Variants in CC2D2B observed in about 807,000 individuals in gnomAD.
CC2D2B encodes the protein coiled-coil and C2 domain containing 2B, also known as protein CC2D2B.
CC2D2B carries 128 observed loss-of-function variants against 161.2 expected under a neutral mutation model. That is an observed-to-expected ratio of 0.79 (90% CI 0.69 to 0.92). CC2D2B has a LOEUF of 0.92. Ranked by LOEUF, CC2D2B falls within the 40% of genes least tolerant of loss-of-function variation. The probability of loss-of-function intolerance (pLI) is 0.00; values close to 1 mark genes in which losing one functional copy is unlikely to be tolerated. For synonymous variants in CC2D2B, 391 were observed against 449.8 expected, an observed-to-expected ratio of 0.87 and a Z score of 1.65; for missense variants, 1,173 against 1,375.1, an observed-to-expected ratio of 0.85 and a Z score of 2.32.
At chr10:95,975,923 A>C (rs1293379658) in intron 17 of CC2D2B, among the ~76,000 whole-genome samples, 1 of 152,214 alleles carries the variant, frequency 6.6e-6, no homozygotes, top group Admixed American at 6.5e-5. Context: ...CATAGTCTCC[A>C]CAGCAGCTAT....
At chr10:96,020,066 A>G (rs2079385517) in intron 32 of CC2D2B, 1 of 382,812 alleles carries the variant, frequency 2.6e-6, no homozygotes, top group African/African-American at 2.1e-5. Flanking sequence ...AATAGAATTT[A>G]AAATTTTTTC....
At chr10:96,018,617 G>A (rs34084924) in intron 30 of CC2D2B, 18,532 of 152,214 alleles carry the variant, frequency 0.12, 1,193 homozygotes, top group Middle Eastern at 0.17. Context: ...GTTGCCATCG[G>A]GGCACACTCT....
At chr10:96,029,717 T>C (rs1024814307) in intron 34 of CC2D2B, among the ~76,000 whole-genome samples, 3 of 152,106 alleles carry the variant, frequency 2.0e-5, no homozygotes, top group Non-Finnish European at 1.5e-5. Flanking sequence ...TTGCATATAA[T>C]CTATGTACAA....
intron 6 of CC2D2B, among the ~76,000 whole-genome samples, chr10:95,930,675 G>A (rs1459198439): frequency 2.6e-5 from 4 of 152,142 alleles, no homozygotes; most frequent in African/African-American, 7.2e-5. Context: ...TTCTGTTTAC[G>A]TGATGGATTA....
At chr10:95,968,173 G>A (rs2077008562) in intron 14 of CC2D2B, among the ~76,000 whole-genome samples, 1 of 152,100 alleles carries the variant, frequency 6.6e-6, no homozygotes, top group Non-Finnish European at 1.5e-5. Context: ...CCACTGTCCT[G>A]GAGAAAAGGG....
chr10:95,932,986 G>A (rs543360054), intron 6 of CC2D2B, among the ~76,000 whole-genome samples: 6 of 152,320 alleles, frequency 3.9e-5, no homozygotes, highest in African/African-American at 1.4e-4. Flanking sequence ...TTCCAACTCA[G>A]TTCCATTCTC....
At chr10:95,964,167 G>A (rs1035833474) in intron 12 of CC2D2B, among the ~76,000 whole-genome samples, 4 of 152,174 alleles carry the variant, frequency 2.6e-5, no homozygotes, top group Non-Finnish European at 1.5e-5. Flanking sequence ...AACAACATTT[G>A]ATAAAATAGC....
intron 9 of CC2D2B, among the ~76,000 whole-genome samples, chr10:95,946,981 A>G (rs1035562861): frequency 6.6e-6 from 1 of 150,580 alleles, no homozygotes; most frequent in Non-Finnish European, 1.5e-5. Context: ...TGCATATGCT[A>G]AGTAACTCAC....
intron 11 of CC2D2B, among the ~76,000 whole-genome samples, chr10:95,956,924 A>G (rs905711652): frequency 5.9e-5 from 9 of 152,182 alleles, no homozygotes; most frequent in Non-Finnish European, 1.3e-4. Flanking sequence ...AATGTTTTAA[A>G]TCTGAGATTG....
chr10:95,978,622 T>C (rs2077401296), intron 17 of CC2D2B, among the ~76,000 whole-genome samples: 1 of 152,194 alleles, frequency 6.6e-6, no homozygotes, highest in Non-Finnish European at 1.5e-5. Context: ...TCCTTTCACC[T>C]TGGCCTCACA....
intron 34 of CC2D2B, among the ~76,000 whole-genome samples, chr10:96,031,602 A>C (rs117119299): frequency 0.014 from 2,089 of 152,332 alleles, 25 homozygotes; most frequent in Non-Finnish European, 0.022. Context: ...CTGTAAAGTA[A>C]GGATTATAGT....
Position 95,910,953 on chromosome 10 carries a change from C to G in CC2D2B, c.-23-348C>G, listed in dbSNP as rs980170971. Reference sequence around the variant, plus strand: ...GAAGATACTGACTTTTACATATATTCTCTTGTATTCTGCCAATTCCAATTT... The same window carrying G: ...GAAGATACTGACTTTTACATATATTGTCTTGTATTCTGCCAATTCCAATTT... On this transcript the variant is annotated intron_variant, in intron 1 of 34. Coordinates refer to ENST00000646931, the MANE Select transcript of CC2D2B (RefSeq NM_001349008.3). Among the ~76,000 whole-genome samples, 3 of 151,868 alleles carry G rather than the reference C, an allele frequency of 2.0e-5. 1 individual carries two copies. Among genetic ancestry groups the G allele is most frequent in the Admixed American group, 6.6e-5 (1 of 15,250 alleles).
rs2078002324 is a variant in CC2D2B at position 95,992,688 on chromosome 10, C to CTTAA, written c.2633_2634insTTAA (p.Ile879Ter). The CTTAA allele has an allele frequency of 4.9e-6, 6 of 1,234,032 alleles. No individual in the cohort carries two copies. The highest frequency in any genetic ancestry group is 2.1e-4 in the Middle Eastern group (1 of 4,836). The allele number at this position is 1,234,032 out of a possible 1,614,324, so 76.4% of individuals were successfully genotyped here. On this transcript the variant is annotated stop_gained and frameshift_variant, in exon 22 of 35. Transcript: ENST00000646931. LOFTEE classifies it high-confidence loss of function. ...TATAATATTCCTACCAGAAAAACAA[C>CTTAA]AATTAATGGGTAAGGCAATATGCCC...
At chr10:96,000,161 T>C in intron 24 of CC2D2B, 1 of 1,454,080 alleles carries the variant, frequency 6.9e-7, no homozygotes, top group South Asian at 1.4e-5. Context: ...CGCATATACA[T>C]GGCCAAAGGA....
At chr10:95,932,109 G>T (rs1056471748) in intron 6 of CC2D2B, among the ~76,000 whole-genome samples, 5 of 152,158 alleles carry the variant, frequency 3.3e-5, no homozygotes, top group African/African-American at 1.2e-4. Flanking sequence ...TCTTCTTGTT[G>T]CATCAATCCT....
chr10:95,916,513 A>G (rs1407029154), intron 2 of CC2D2B, among the ~76,000 whole-genome samples: 1 of 151,910 alleles, frequency 6.6e-6, no homozygotes, highest in African/African-American at 2.4e-5. Flanking sequence ...TTCTTTTAAA[A>G]AATTTTTTGA....
intron 9 of CC2D2B, among the ~76,000 whole-genome samples, chr10:95,947,113 A>ATATATATT (rs1289243570): frequency 2.7e-4 from 13 of 48,376 alleles, no homozygotes; most frequent in South Asian, 8.0e-4. Flanking sequence ...ATATATATAT[A>ATATATATT]TTTTTTTTTT....
In CC2D2B at chr10:95,992,660, G is replaced by T. The variant is rs921063970; in HGVS notation, c.2605G>T (p.Ala869Ser). Residue 869 changes from alanine to serine, a missense_variant, in exon 22 of 35, where the codon GCC (alanine) becomes TCC (serine). Around this residue, in one of 3 missense-constraint regions of CC2D2B, gnomAD observed 598 missense variants for 693.2 expected, o/e 0.86. Coordinates refer to ENST00000646931, the MANE Select transcript of CC2D2B (RefSeq NM_001349008.3). The part of the protein sequence containing the change: ...DIKILVRIVR[A>S]YNIPTRKTTI... ...TAAGATTCTTGTCCGAATAGTGAGG[G>T]CCTATAATATTCCTACCAGAAAAAC... 1 of 1,234,222 alleles carries T rather than the reference G, an allele frequency of 8.1e-7. No homozygotes were observed. The highest frequency in any genetic ancestry group is 1.5e-5 in the African/African-American group (1 of 64,586). The allele number at this position is 1,234,222 out of a possible 1,614,324, so 76.5% of individuals were successfully genotyped here. A position where few individuals can be genotyped will look rare whatever the true frequency, so the allele number is the denominator to read the frequency against.
intron 1 of CC2D2B, among the ~76,000 whole-genome samples, chr10:95,909,022 A>T (rs1441501320): frequency 2.0e-5 from 3 of 151,944 alleles, no homozygotes; most frequent in African/African-American, 7.2e-5. Flanking sequence ...GGAGCAGGAC[A>T]TGATGACTTG....
Sources: gnomAD v4.1 joint callset for allele counts (sites outside exome capture counted in the v4.1 genomes callset) on GRCh38, gnomAD v4.1.1 for gene constraint, gnomAD v4.1.1 regional missense constraint, MANE v1.5 for transcripts, NCBI Gene and HGNC (gene_info 2026-07-23, HGNC 2026-07-21) for gene names.